RHOU: variants seen among roughly 807,000 people sequenced by gnomAD.
The protein encoded by RHOU is rho-related GTP-binding protein RhoU.
A neutral mutation model predicts 12.6 loss-of-function variants in RHOU; 8 were observed. The ratio of observed to expected loss-of-function variants is 0.64; its 90% confidence interval spans 0.37 to 1.15. The LOEUF is 1.15. Among genes scored for constraint, RHOU ranks in the 50% most tolerant of loss-of-function variants. The probability of loss-of-function intolerance (pLI) is 0.01; values close to 1 mark genes in which losing one functional copy is unlikely to be tolerated. For missense variants in RHOU, 258 were observed against 347.0 expected, an observed-to-expected ratio of 0.74 and a Z score of 2.04; for synonymous variants, 161 against 147.4, an observed-to-expected ratio of 1.09 and a Z score of -0.67.
the RHOU span, among the ~76,000 whole-genome samples, chr1:228,727,292 C>CA: frequency 6.6e-6 from 1 of 152,048 alleles, no homozygotes; most frequent in African/African-American, 2.4e-5. Flanking sequence ...ATGCAGTAGA[C>CA]ACTCATTTCT....
chr1:228,647,164 C>T, the RHOU span, among the ~76,000 whole-genome samples: 7 of 152,170 alleles, frequency 4.6e-5, no homozygotes, highest in Non-Finnish European at 1.0e-4. Context: ...AGCAGGGCGG[C>T]CAGGCGGCCC....
Position 228,737,838 on chromosome 1 carries a change from A to C in RHOU, c.321+107A>C. The C allele has an allele frequency of 3.7e-5, 46 of 1,227,402 alleles. No homozygotes were observed. The highest frequency in any genetic ancestry group is 5.0e-5 in the Non-Finnish European group (42 of 846,506). 76.0% of individuals were successfully genotyped at this position (1,227,402 alleles called of 1,614,324 possible). A position where few individuals can be genotyped will look rare whatever the true frequency, so the allele number is the denominator to read the frequency against. Reference sequence around the variant, plus strand: ...AGTAACTGGGTCATTCTAAAGCCTCATGAAGTGGACCCACCCCTGCTGTTG... The same window carrying C: ...AGTAACTGGGTCATTCTAAAGCCTCCTGAAGTGGACCCACCCCTGCTGTTG... On this transcript the variant is annotated intron_variant, in intron 2 of 2. Transcript: ENST00000366691. The surrounding 1 kb of genome is among the most constrained non-coding windows in gnomAD (Gnocchi z 4.1).
rs955412182 is a variant in RHOU, at chr1:228,744,366, C to G, written c.*626C>G. On this transcript the variant is annotated 3_prime_UTR_variant, in exon 3 of 3. Coordinates refer to ENST00000366691, the MANE Select transcript of RHOU (RefSeq NM_021205.6). ...AACATCCCACTGACTGTATGGCACTCTGTAGTCAAAAAAGGAAACTTCCTT... is the reference window on the plus strand; with the variant it reads ...AACATCCCACTGACTGTATGGCACTGTGTAGTCAAAAAAGGAAACTTCCTT... The G allele has an allele frequency of 2.6e-5, 4 of 152,224 alleles. No homozygotes were observed. Among genetic ancestry groups the G allele is most frequent in the Non-Finnish European group, 4.4e-5 (3 of 68,050 alleles). The allele number at this position is 152,224 out of a possible 1,614,324, so 9.4% of individuals were successfully genotyped here. A position where few individuals can be genotyped will look rare whatever the true frequency, so the allele number is the denominator to read the frequency against.
At chr1:228,721,657 G>GGTTTT in the RHOU span, among the ~76,000 whole-genome samples, 2 of 152,110 alleles carry the variant, frequency 1.3e-5, no homozygotes, top group African/African-American at 2.4e-5. Context: ...CCCAGACTTT[G>GGTTTT]GTTTTGTTTT....
chr1:228,677,050 C>G, the RHOU span, among the ~76,000 whole-genome samples: 3 of 151,832 alleles, frequency 2.0e-5, no homozygotes. Flanking sequence ...AGTGTTGGGG[C>G]GGTGAAAATT....
chr1:228,682,356 CT>C, the RHOU span, among the ~76,000 whole-genome samples: 10 of 152,332 alleles, frequency 6.6e-5, no homozygotes, highest in African/African-American at 2.4e-4. Flanking sequence ...CACCAAATGT[CT>C]CATGCTTCTG....
the RHOU span, among the ~76,000 whole-genome samples, chr1:228,675,147 T>A: frequency 6.6e-6 from 1 of 152,308 alleles, no homozygotes; most frequent in Non-Finnish European, 1.5e-5. Flanking sequence ...TTTTCCTCCT[T>A]ATTGATATGA....
the RHOU span, among the ~76,000 whole-genome samples, chr1:228,688,983 A>G: frequency 1.3e-5 from 2 of 152,174 alleles, no homozygotes; most frequent in Non-Finnish European, 2.9e-5. Flanking sequence ...CACTTTGAAG[A>G]GGCTCTAGGG....
chr1:228,672,126 C>G, the RHOU span, among the ~76,000 whole-genome samples: 1 of 152,192 alleles, frequency 6.6e-6, no homozygotes, highest in Non-Finnish European at 1.5e-5. Context: ...AGCAAAAAAT[C>G]TAGGGCCTTC....
upstream of RHOU, among the ~76,000 whole-genome samples, chr1:228,733,701 T>C (rs1040476224): frequency 3.9e-5 from 6 of 152,184 alleles, no homozygotes; most frequent in Admixed American, 3.9e-4. Flanking sequence ...ACCCTTCTAG[T>C]GTTGGGGAAA....
the RHOU span, among the ~76,000 whole-genome samples, chr1:228,711,364 C>A: frequency 6.6e-6 from 1 of 152,008 alleles, no homozygotes; most frequent in Non-Finnish European, 1.5e-5. Context: ...AATCCTAAGC[C>A]AAAAGAACAA....
chr1:228,688,206 C>A, the RHOU span, among the ~76,000 whole-genome samples: 1 of 152,168 alleles, frequency 6.6e-6, no homozygotes, highest in Non-Finnish European at 1.5e-5. Context: ...CTGGAACCAA[C>A]CCTAACCTGT....
the RHOU span, among the ~76,000 whole-genome samples, chr1:228,669,104 G>A: frequency 7.2e-5 from 11 of 152,324 alleles, no homozygotes; most frequent in Admixed American, 7.2e-4. Context: ...GATTGGGCAG[G>A]CAACAGGTGT....
rs1021621035 is a variant in RHOU at position 228,737,078 on chromosome 1, G to A, written c.263-595G>A. ...TGCTGCAGGCCTCTCCACACTCCCCGAGTCCCCGGATCCCAGTGGAAAGGG... is the reference window on the plus strand; with the variant it reads ...TGCTGCAGGCCTCTCCACACTCCCCAAGTCCCCGGATCCCAGTGGAAAGGG... On this transcript the variant is annotated intron_variant, in intron 1 of 2. Coordinates refer to ENST00000366691, the MANE Select transcript of RHOU (RefSeq NM_021205.6). The surrounding 1 kb of genome is among the most constrained non-coding windows in gnomAD (Gnocchi z 4.1). Among the ~76,000 whole-genome samples the A allele has an allele frequency of 4.6e-5, 7 of 152,068 alleles. No homozygotes were observed. Among genetic ancestry groups the A allele is most frequent in the African/African-American group, 1.7e-4 (7 of 41,392 alleles).
chr1:228,737,252 G>A lies in RHOU; in HGVS notation c.263-421G>A, dbSNP rs1280188694. ...CTAGAATTGTATGATAAACCCTGAA[G>A]TTGGGGAACCTTTCCCAAGGGAAAA... On this transcript the variant is annotated intron_variant, in intron 1 of 2. Coordinates refer to ENST00000366691, the MANE Select transcript of RHOU (RefSeq NM_021205.6). This position sits in a 1 kb window ranked among gnomAD's most constrained non-coding sequence, Gnocchi z 4.1. Among the ~76,000 whole-genome samples the A allele has an allele frequency of 2.0e-5, 3 of 152,198 alleles. No individual in the cohort carries two copies. Among genetic ancestry groups the A allele is most frequent in the African/African-American group, 7.2e-5 (3 of 41,444 alleles).
the RHOU span, among the ~76,000 whole-genome samples, chr1:228,707,137 T>C: frequency 7.5e-6 from 1 of 132,564 alleles, no homozygotes; most frequent in African/African-American, 2.9e-5. Context: ...CATATATATA[T>C]ATATATATGT....
Position 228,745,400 on chromosome 1 carries a change from T to G in RHOU, c.*1660T>G, listed in dbSNP as rs1210505251. The G allele has an allele frequency of 6.6e-6, 1 of 152,208 alleles. No homozygotes were observed. Among genetic ancestry groups the G allele is most frequent in the Non-Finnish European group, 1.5e-5 (1 of 68,032 alleles). The allele number at this position is 152,208 out of a possible 1,614,324, so 9.4% of individuals were successfully genotyped here. On this transcript the variant is annotated 3_prime_UTR_variant, in exon 3 of 3. Transcript: ENST00000366691. The stretch of plus-strand genomic sequence containing the variant: ...TAGAAGAATTTTATTTTTCTGTGGG[T>G]TTTGTGTTGTCTTTTTTATGTTAAA...
chr1:228,706,739 T>G, the RHOU span, among the ~76,000 whole-genome samples: 1 of 152,208 alleles, frequency 6.6e-6, no homozygotes, highest in African/African-American at 2.4e-5. Context: ...TCTTATTAGC[T>G]AACTAGTTAT....
At chr1:228,674,371 A>C in the RHOU span, among the ~76,000 whole-genome samples, 2 of 109,408 alleles carry the variant, frequency 1.8e-5, no homozygotes, top group Non-Finnish European at 3.6e-5. Flanking sequence ...TTTGAGAGGG[A>C]GTTTCACTAT....
Sources: gnomAD v4.1 joint callset for allele counts (sites outside exome capture counted in the v4.1 genomes callset) on GRCh38, gnomAD v4.1.1 for gene constraint, Gnocchi (gnomAD v3.1) non-coding constraint, MANE v1.5 for transcripts, NCBI Gene and HGNC (gene_info 2026-07-23, HGNC 2026-07-21) for gene names.